ZCCHC9: variants seen among roughly 807,000 people sequenced by gnomAD.
ZCCHC9 encodes zinc finger CCHC-type containing 9.
Under a neutral mutation model 30.8 loss-of-function variants are expected in ZCCHC9, and 18 were observed. That is an observed-to-expected ratio of 0.58 (90% CI 0.40 to 0.87). The LOEUF (loss-of-function observed/expected upper bound fraction) is 0.87. Ranked by LOEUF, ZCCHC9 falls within the 40% of genes least tolerant of loss-of-function variation. ZCCHC9 has a pLI of 0.00. For synonymous variants in ZCCHC9, 94 were observed against 106.7 expected, an observed-to-expected ratio of 0.88 and a Z score of 0.73; for missense variants, 279 against 331.2, an observed-to-expected ratio of 0.84 and a Z score of 1.22.
In ZCCHC9 at chr5:81,308,613, C is replaced by A; in HGVS notation, c.437C>A (p.Ala146Asp). 6.2e-7 allele frequency: 1 copy of A among 1,613,740 alleles called. No homozygotes were observed. Among genetic ancestry groups the A allele is most frequent in the Non-Finnish European group, 8.5e-7 (1 of 1,179,866 alleles). ...CATGGAATTGCAGATTGCCCCGCCG[C>A]CCTTGAAAATCAAGACATGGGCACT... ...PGHGIADCPA[A>D]LENQDMGTGI... The change falls in exon 3 of 6, where the codon GCC becomes GAC. Residue 146 changes from alanine to aspartate, a missense_variant. Ala to Asp is a moderately radical substitution (Grantham distance 126, BLOSUM62 -2). Coordinates refer to ENST00000407610, the MANE Select transcript of ZCCHC9 (RefSeq NM_001131035.2).
chr5:81,301,936 C>T (rs2291941), intron 1 of ZCCHC9: 4,451 of 152,436 alleles, frequency 0.029, 195 homozygotes, highest in African/African-American at 0.09. Flanking sequence ...CCACTTCACC[C>T]TCTTGATAAC....
In ZCCHC9 at chr5:81,308,641, GAT is replaced by G. The variant is rs1311409069; in HGVS notation, c.468_469del (p.Ile156MetfsTer15). 1 of 1,613,838 alleles carries G rather than the reference GAT, an allele frequency of 6.2e-7. No homozygotes were observed. Among genetic ancestry groups the G allele is most frequent in the African/African-American group, 1.3e-5 (1 of 74,926 alleles). On this transcript the variant is annotated frameshift_variant, in exon 3 of 6. Transcript: ENST00000407610. LOFTEE classifies it high-confidence loss of function. ...TTGAAAATCAAGACATGGGCACTGG[GAT>G]ATGTTACAGGTGTGGGTCCACAGAG... is the stretch of plus-strand genomic sequence containing the variant. The part of the protein sequence containing the change: ...ALENQDMGTG[I>X]CYRCGSTEHE...
intron 2 of ZCCHC9, 78 bp downstream of exon 2, chr5:81,305,219 T>C: frequency 6.7e-7 from 1 of 1,492,472 alleles, no homozygotes. Flanking sequence ...ATATATACCT[T>C]AGCCAGCTCT....
In ZCCHC9 at chr5:81,312,602, T is replaced by C; in HGVS notation, c.756T>C (p.Ile252=). Residue 252 remains isoleucine, a synonymous_variant, in exon 6 of 6, where the codon ATT becomes ATC. Coordinates refer to ENST00000407610, the MANE Select transcript of ZCCHC9 (RefSeq NM_001131035.2). ...AKGMSADYEE[I]LDVPKPQKPK... is the part of the protein sequence containing the mutation. ...GAATGAGTGCAGACTATGAAGAAAT[T>C]TTGGATGTACCTAAACCGCAAAAAC... 6.2e-7 allele frequency: 1 copy of C among 1,613,982 alleles called. No homozygotes were observed. Among genetic ancestry groups the C allele is most frequent in the Non-Finnish European group, 8.5e-7 (1 of 1,179,860 alleles).
chr5:81,309,020 A>G lies in ZCCHC9; in HGVS notation c.610A>G (p.Lys204Glu). 6.2e-7 allele frequency: 1 copy of G among 1,612,228 alleles called. No homozygotes were observed. The highest frequency in any genetic ancestry group is 8.5e-7 in the Non-Finnish European group (1 of 1,179,302). ...GTCTAGATCTTGTCCTGATAATCCC[A>G]AAGGACTCTATGCTGATGGTAAGTA... ...HLSRSCPDNPKGLYADGGGCK... is the reference protein window; with the variant it reads ...HLSRSCPDNPEGLYADGGGCK... The change falls in exon 4 of 6, where the codon AAA becomes GAA. Residue 204 changes from lysine (K) to glutamate (E), a missense_variant. Coordinates refer to ENST00000407610, the MANE Select transcript of ZCCHC9 (RefSeq NM_001131035.2).
chr5:81,308,494 A>G, intron 2 of ZCCHC9, 67 bp from the exon 3 acceptor site: 1 of 1,437,532 alleles, frequency 7.0e-7, no homozygotes, highest in Non-Finnish European at 9.2e-7. Flanking sequence ...TATGTTTTTG[A>G]TAACAAGAAT....
At chr5:81,306,553 G>C (rs1367227638) in intron 2 of ZCCHC9, among the ~76,000 whole-genome samples, 1 of 152,140 alleles carries the variant, frequency 6.6e-6, no homozygotes, top group Non-Finnish European at 1.5e-5. Flanking sequence ...CATTATGTTT[G>C]TAATTAAGTG....
chr5:81,302,850 ATAT>A (rs1757995274), intron 1 of ZCCHC9: 2 of 152,144 alleles, frequency 1.3e-5, no homozygotes, highest in African/African-American at 2.4e-5. Flanking sequence ...AAGGCCTACG[ATAT>A]TATTTAGGGT....
At chr5:81,308,788 A>C in intron 3 of ZCCHC9, 77 bp downstream of exon 3, 1 of 1,530,478 alleles carries the variant, frequency 6.5e-7, no homozygotes, top group Non-Finnish European at 8.8e-7. Flanking sequence ...TTTTTAACAC[A>C]ATTTGTTACG....
intron 2 of ZCCHC9, 95 bp from the exon 3 acceptor site, chr5:81,308,461 AATAAG>A: frequency 2.9e-6 from 4 of 1,360,134 alleles, no homozygotes; most frequent in African/African-American, 1.5e-5. Context: ...AAAATAGCTT[AATAAG>A]ATGAGAAATG....
At chr5:81,307,104 G>GA (rs1309780364) in intron 2 of ZCCHC9, among the ~76,000 whole-genome samples, 2 of 151,938 alleles carry the variant, frequency 1.3e-5, no homozygotes, top group Admixed American at 6.6e-5. Context: ...TGCTTATTTT[G>GA]AAAAAACATA....
chr5:81,310,294 G>A (rs1171954701), intron 4 of ZCCHC9, among the ~76,000 whole-genome samples: 4 of 151,872 alleles, frequency 2.6e-5, no homozygotes, highest in Admixed American at 6.6e-5. Flanking sequence ...GGCTTTCTGC[G>A]ATTTGTTTTA....
At position 81,312,706 on chromosome 5, in the gene ZCCHC9, C is replaced by G; in HGVS notation, c.*44C>G. On this transcript the variant is annotated 3_prime_UTR_variant, in exon 6 of 6. Coordinates refer to ENST00000407610, the MANE Select transcript of ZCCHC9 (RefSeq NM_001131035.2). ...TGAGTTACTACCTCATTGTTACTTT[C>G]TAAACCAGGCCCGCTTCACGAGTTA... 2 of 1,417,196 alleles carry G rather than the reference C, an allele frequency of 1.4e-6. No individual in the cohort carries two copies. The highest frequency in any genetic ancestry group is 1.2e-5 in the South Asian group (1 of 84,748). 87.8% of individuals were successfully genotyped at this position (1,417,196 alleles called of 1,614,324 possible). A position where few individuals can be genotyped will look rare whatever the true frequency, so the allele number is the denominator to read the frequency against.
In ZCCHC9 at chr5:81,304,721, T is replaced by C; in HGVS notation, c.-17-20T>C. On this transcript the variant is annotated intron_variant, in intron 1 of 5. Transcript: ENST00000407610. ...GTTGTTGATGGCTAACCACCCATGC[T>C]TGTCTTAAAAATTGATAAGGTACCA... The C allele has an allele frequency of 6.5e-7, 1 of 1,530,476 alleles. No individual in the cohort carries two copies. Among genetic ancestry groups the C allele is most frequent in the Non-Finnish European group, 8.7e-7 (1 of 1,142,912 alleles). 94.8% of individuals were successfully genotyped at this position (1,530,476 alleles called of 1,614,324 possible).
At chr5:81,309,599 C>T (rs535508229) in intron 4 of ZCCHC9, among the ~76,000 whole-genome samples, 1 of 152,302 alleles carries the variant, frequency 6.6e-6, no homozygotes, top group South Asian at 2.1e-4. Context: ...TGGCTGGTGC[C>T]ATCAGGCTCT....
At chr5:81,304,576 C>A in intron 1 of ZCCHC9, 165 bp from the exon 2 acceptor site, 1 of 518,340 alleles carries the variant, frequency 1.9e-6, no homozygotes, top group Non-Finnish European at 3.2e-6. Flanking sequence ...CATATTATAG[C>A]ATTAAATATG....
Position 81,307,745 on chromosome 5 carries a change from C to G in ZCCHC9, c.385-816C>G, listed in dbSNP as rs1014091677. Among the ~76,000 whole-genome samples, 7 of 151,744 alleles carry G rather than the reference C, an allele frequency of 4.6e-5. No homozygotes were observed. The East Asian group carries it at 1.4e-3, about 29-fold the overall frequency. On this transcript the variant is annotated intron_variant, in intron 2 of 5. Transcript: ENST00000407610. ...GGCGTGGTGGCTCATGCCTGTAATCCCAGCACTTTGGGAGGCCGAGGCGGG... is the reference window on the plus strand; with the variant it reads ...GGCGTGGTGGCTCATGCCTGTAATCGCAGCACTTTGGGAGGCCGAGGCGGG...
rs533391896 is a variant in ZCCHC9 at position 81,312,953 on chromosome 5, A to G, written c.*291A>G. On this transcript the variant is annotated 3_prime_UTR_variant, in exon 6 of 6. Transcript: ENST00000407610. ...AGTAGTTGTATACCTGATTGTAACAATCATCTTTTATAAAAGCAAAATTAT... is the reference window on the plus strand; with the variant it reads ...AGTAGTTGTATACCTGATTGTAACAGTCATCTTTTATAAAAGCAAAATTAT... The G allele has an allele frequency of 2.8e-5, 5 of 177,508 alleles. No individual in the cohort carries two copies. In the South Asian group the frequency reaches 5.6e-4, roughly 20 times the overall value. 11.0% of individuals were successfully genotyped at this position (177,508 alleles called of 1,614,324 possible).
chr5:81,308,539 A>G, intron 2 of ZCCHC9, 22 bp from the exon 3 acceptor site: 1 of 1,598,730 alleles, frequency 6.3e-7, no homozygotes, highest in Middle Eastern at 1.7e-4. Flanking sequence ...GCAGCGTGCC[A>G]ACCTACGTTT....
Sources: gnomAD v4.1 joint callset for allele counts (sites outside exome capture counted in the v4.1 genomes callset) on GRCh38, gnomAD v4.1.1 for gene constraint, MANE v1.5 for transcripts, NCBI Gene and HGNC (gene_info 2026-07-23, HGNC 2026-07-21) for gene names.